The following MMP26 variants were observed in gnomAD, a reference collection of about 807,000 sequenced individuals.
MMP26 encodes the protein matrix metallopeptidase 26, also known as matrix metalloproteinase-26.
MMP26 carries 33 observed loss-of-function variants against 31.0 expected under a neutral mutation model. The ratio of observed to expected loss-of-function variants is 1.06; its 90% CI spans 0.81 to 1.42. The LOEUF (loss-of-function observed/expected upper bound fraction) is 1.42. Ranked by LOEUF, MMP26 falls within the 40% of genes most tolerant of loss-of-function variation. MMP26 has a pLI of 0.00. For missense variants in MMP26, 347 were observed against 316.1 expected, an observed-to-expected ratio of 1.10 and a Z score of -0.74; for synonymous variants, 122 against 114.9, an observed-to-expected ratio of 1.06 and a Z score of -0.40.
chr11:4,982,210 T>C (rs1419392161), intron 2 of MMP26, among the ~76,000 whole-genome samples: 3 of 152,128 alleles, frequency 2.0e-5, no homozygotes, highest in African/African-American at 4.8e-5. Flanking sequence ...TTGTTTATTA[T>C]CTTTATCAGG....
chr11:4,831,008 A>G (rs555910005), intron 2 of MMP26, among the ~76,000 whole-genome samples: 2 of 152,328 alleles, frequency 1.3e-5, no homozygotes, highest in East Asian at 1.9e-4. Context: ...TTGGTCACAT[A>G]TAACACTAAG....
chr11:4,718,293 A>G (rs1016436632), intron 1 of MMP26, among the ~76,000 whole-genome samples: 8 of 152,224 alleles, frequency 5.3e-5, no homozygotes, highest in Non-Finnish European at 1.2e-4. Flanking sequence ...CACTTCAACA[A>G]ATATTTGCTG....
intron 2 of MMP26, among the ~76,000 whole-genome samples, chr11:4,986,906 TCTCTCTCTCTCTCTCTCTCTCTCTCC>T (rs1846899825): frequency 5.1e-4 from 26 of 50,898 alleles, no homozygotes; most frequent in South Asian, 7.8e-4. Flanking sequence ...TTCCTTCCTT[TCTCTCTCTCTCTCTCTCTCTCTCTCC>T]CTCTCTCTCT....
At chr11:4,776,532 C>A (rs1456477500) in intron 2 of MMP26, among the ~76,000 whole-genome samples, 1 of 152,016 alleles carries the variant, frequency 6.6e-6, no homozygotes, top group Non-Finnish European at 1.5e-5. Flanking sequence ...TTGTACTTCT[C>A]TGATGATTAG....
intron 2 of MMP26, among the ~76,000 whole-genome samples, chr11:4,853,154 A>C (rs1849998611): frequency 6.6e-6 from 1 of 152,198 alleles, no homozygotes; most frequent in Admixed American, 6.5e-5. Flanking sequence ...ATAGGTATTA[A>C]TAATATATTG....
chr11:4,966,821 CT>C (rs1564816564), intron 2 of MMP26, among the ~76,000 whole-genome samples: 2 of 152,200 alleles, frequency 1.3e-5, no homozygotes, highest in Admixed American at 1.3e-4. Flanking sequence ...GCTGTCAGGC[CT>C]TTAATGAAGG....
intron 2 of MMP26, among the ~76,000 whole-genome samples, chr11:4,949,509 C>T (rs1379098741): frequency 8.2e-6 from 1 of 122,156 alleles, no homozygotes; most frequent in Admixed American, 9.3e-5. Flanking sequence ...GCCCCATATA[C>T]TGAAATAATA....
intron 2 of MMP26, among the ~76,000 whole-genome samples, chr11:4,892,810 T>G (rs191453434): frequency 6.6e-6 from 1 of 152,306 alleles, no homozygotes; most frequent in East Asian, 1.9e-4. Context: ...AGTACATTGA[T>G]GTATTTGCCT....
chr11:4,833,699 C>T (rs949226943), intron 2 of MMP26, among the ~76,000 whole-genome samples: 1 of 152,120 alleles, frequency 6.6e-6, no homozygotes, highest in Admixed American at 6.6e-5. Context: ...GTTTAAGGAA[C>T]ACTTTTCTTG....
chr11:4,743,490 A>G (rs543672185), intron 1 of MMP26, among the ~76,000 whole-genome samples: 45 of 152,314 alleles, frequency 3.0e-4, no homozygotes, highest in African/African-American at 1.1e-3. Flanking sequence ...AACATATGTA[A>G]CCTAAGTTAA....
At chr11:4,708,151 T>C (rs1290791065) in intron 1 of MMP26, among the ~76,000 whole-genome samples, 2 of 152,200 alleles carry the variant, frequency 1.3e-5, no homozygotes, top group East Asian at 1.9e-4. Context: ...GATTCTCGTA[T>C]GTAAAGTCAC....
chr11:4,712,620 T>C (rs1847876439), intron 1 of MMP26, among the ~76,000 whole-genome samples: 1 of 152,158 alleles, frequency 6.6e-6, no homozygotes, highest in African/African-American at 2.4e-5. Flanking sequence ...TTAAAATAGA[T>C]GTACTAAGAA....
At chr11:4,849,269 C>T (rs12421276) in intron 2 of MMP26, 68,618 of 1,530,418 alleles carry the variant, frequency 0.045, 1,844 homozygotes, top group Non-Finnish European at 0.053. Flanking sequence ...TTTACTTAAT[C>T]GCGTGCCAAA....
intron 2 of MMP26, chr11:4,769,448 A>G (rs1182231944): frequency 1.2e-6 from 2 of 1,613,076 alleles, no homozygotes; most frequent in Admixed American, 1.7e-5. Context: ...TGGCAATATT[A>G]GTACTATAGC....
At chr11:4,717,308 C>T (rs1033485208) in intron 1 of MMP26, among the ~76,000 whole-genome samples, 1 of 152,124 alleles carries the variant, frequency 6.6e-6, no homozygotes, top group African/African-American at 2.4e-5. Context: ...TTGCGGCTTG[C>T]ACTCAGTAAT....
chr11:4,902,063 A>G (rs1382151802), intron 2 of MMP26, among the ~76,000 whole-genome samples: 3 of 152,226 alleles, frequency 2.0e-5, no homozygotes, highest in Non-Finnish European at 4.4e-5. Flanking sequence ...TGGAGTCCAC[A>G]GTAGTCCTCC....
chr11:4,729,975 A>G (rs1297944445), intron 1 of MMP26, among the ~76,000 whole-genome samples: 1 of 133,108 alleles, frequency 7.5e-6, no homozygotes, highest in Non-Finnish European at 1.7e-5. Flanking sequence ...ATTAAAATGC[A>G]TAGATAATAC....
chr11:4,884,326 C>G (rs974520264), intron 2 of MMP26, among the ~76,000 whole-genome samples: 1 of 152,034 alleles, frequency 6.6e-6, no homozygotes, highest in Non-Finnish European at 1.5e-5. Flanking sequence ...GTTTCTTTGC[C>G]TTGTGCACTC....
chr11:4,778,752 T>C (rs1355237675), intron 2 of MMP26, among the ~76,000 whole-genome samples: 1 of 152,116 alleles, frequency 6.6e-6, no homozygotes, highest in Non-Finnish European at 1.5e-5. Flanking sequence ...ATGATAAATA[T>C]GTGTATGTGT....
Sources: allele counts gnomAD v4.1 joint callset (sites outside exome capture counted in the v4.1 genomes callset), GRCh38; gene constraint gnomAD v4.1.1; transcripts MANE v1.5; gene names NCBI Gene and HGNC (gene_info 2026-07-23, HGNC 2026-07-21).